The following OAF variants were observed in gnomAD, a reference collection of about 807,000 sequenced individuals.
OAF encodes the protein out at first homolog.
A neutral mutation model predicts 22.5 loss-of-function variants in OAF; 13 were observed. The observed-to-expected ratio is 0.58, with a 90% CI of 0.38 to 0.92. The LOEUF is 0.92. Among genes scored for constraint, OAF ranks in the 40% least tolerant of loss-of-function variants. OAF has a pLI of 0.00. For synonymous variants in OAF, 175 were observed against 170.5 expected (o/e 1.03, Z -0.21); for missense variants, 347 against 381.8 (o/e 0.91, Z 0.76).
At chr11:120,226,067 G>C (rs1938353817) in intron 2 of OAF, among the ~76,000 whole-genome samples, 1 of 152,104 alleles carries the variant, frequency 6.6e-6, no homozygotes, top group South Asian at 2.1e-4. Flanking sequence ...GGCCAAACCT[G>C]ACCCTAGAGC....
intron 1 of OAF, among the ~76,000 whole-genome samples, chr11:120,224,162 CCCTTTCTGGAAAA>C (rs1468413385): frequency 6.6e-6 from 1 of 152,212 alleles, no homozygotes; most frequent in Non-Finnish European, 1.5e-5. Context: ...GCCTCAGTTT[CCCTTTCTGGAAAA>C]CCTCCCCCTA....
chr11:120,217,490 A>T (rs1297122611), intron 1 of OAF: 1 of 152,254 alleles, frequency 6.6e-6, no homozygotes, highest in African/African-American at 2.4e-5. Context: ...GAGGCGGGAG[A>T]ATCACTTGAA....
chr11:120,225,806 C>A lies in OAF; in HGVS notation c.366+11C>A. The A allele has an allele frequency of 6.3e-7, 1 of 1,593,946 alleles. No homozygotes were observed. The highest frequency in any genetic ancestry group is 1.1e-5 in the South Asian group (1 of 89,078). On this transcript the variant is annotated intron_variant, in intron 2 of 3. Coordinates refer to ENST00000328965, the MANE Select transcript of OAF (RefSeq NM_178507.4). ...GCCAAGCTCCGGCAGGTAAGTGCCCCACCAGGCCTGCCTGGCCCAGGTCCT... is the reference window on the plus strand; with the variant it reads ...GCCAAGCTCCGGCAGGTAAGTGCCCAACCAGGCCTGCCTGGCCCAGGTCCT...
At chr11:120,225,872 C>T (rs1043468665) in intron 2 of OAF, 77 bp downstream of exon 2, 32 of 1,371,242 alleles carry the variant, frequency 2.3e-5, no homozygotes, top group South Asian at 6.3e-5. Flanking sequence ...CCCGCAGACC[C>T]GGCCCAGATC....
chr11:120,228,171 G>A (rs1346204753), intron 3 of OAF, among the ~76,000 whole-genome samples: 3 of 151,350 alleles, frequency 2.0e-5, no homozygotes, highest in Admixed American at 6.6e-5. Context: ...TGCAACCTCC[G>A]CCACCCGGGT....
At position 120,226,799 on chromosome 11, in the gene OAF, T is replaced by A; in HGVS notation, c.367-17T>A. On this transcript the variant is annotated splice_polypyrimidine_tract_variant and intron_variant, in intron 2 of 3. Transcript: ENST00000328965. Reference sequence around the variant, plus strand: ...CATTCTGAAGCCAGGTAGGAGTGACTTCTCTCCCACACACAGAAAAATCCC... The same window carrying A: ...CATTCTGAAGCCAGGTAGGAGTGACATCTCTCCCACACACAGAAAAATCCC... 1.3e-6 allele frequency: 2 copies of A among 1,572,580 alleles called. No homozygotes were observed. Among genetic ancestry groups the A allele is most frequent in the Non-Finnish European group, 1.7e-6 (2 of 1,151,368 alleles).
At chr11:120,227,527 A>T (rs1362751917) in intron 3 of OAF, among the ~76,000 whole-genome samples, 1 of 151,958 alleles carries the variant, frequency 6.6e-6, no homozygotes, top group Non-Finnish European at 1.5e-5. Context: ...GCCCCCCTCC[A>T]CTGACACCTC....
chr11:120,227,131 C>CT, intron 3 of OAF, 135 bp downstream of exon 3: 1 of 603,396 alleles, frequency 1.7e-6, no homozygotes, highest in Non-Finnish European at 2.8e-6. Flanking sequence ...TTAGCCTTTC[C>CT]TTTGTTCAGG....
At chr11:120,216,494 A>G (rs1938214269) in intron 1 of OAF, among the ~76,000 whole-genome samples, 1 of 152,152 alleles carries the variant, frequency 6.6e-6, no homozygotes, top group Admixed American at 6.5e-5. Flanking sequence ...AGGTATTTAC[A>G]AGAAGTCGCC....
At chr11:120,223,354 C>T (rs532497235) in intron 1 of OAF, among the ~76,000 whole-genome samples, 7 of 152,268 alleles carry the variant, frequency 4.6e-5, no homozygotes, top group African/African-American at 1.2e-4. Flanking sequence ...AATCCAAGCT[C>T]GGTAACAATC....
Position 120,211,353 on chromosome 11 carries a change from G to A in OAF, c.74G>A (p.Gly25Glu). The A allele has an allele frequency of 6.9e-7, 1 of 1,442,406 alleles. No individual in the cohort carries two copies. The highest frequency in any genetic ancestry group is 9.2e-7 in the Non-Finnish European group (1 of 1,090,306). The allele number at this position is 1,442,406 out of a possible 1,614,324, so 89.4% of individuals were successfully genotyped here. The change falls in exon 1 of 4, where the codon GGA (glycine) becomes GAA (glutamate). Residue 25 changes from glycine (G) to glutamate (E), a missense_variant. Gly to Glu is a moderately conservative substitution (Grantham distance 98, BLOSUM62 -2). Transcript: ENST00000328965. ...LLLPLLAPLLGTGAPAELRVR... is the reference protein window; with the variant it reads ...LLLPLLAPLLETGAPAELRVR... ...CTGCCGCTGCTCGCGCCGCTGCTGG[G>A]AACGGGTGCGCCGGCCGAGCTGCGG... is the stretch of plus-strand genomic sequence containing the variant.
chr11:120,221,706 C>T (rs1938281504), intron 1 of OAF, among the ~76,000 whole-genome samples: 1 of 152,206 alleles, frequency 6.6e-6, no homozygotes, highest in Non-Finnish European at 1.5e-5. Context: ...AGCCTACCTA[C>T]TCCTTACTTA....
Position 120,229,136 on chromosome 11 carries a change from A to C in OAF, c.816A>C (p.Pro272=), listed in dbSNP as rs555324500. The change falls in exon 4 of 4, where the codon CCA becomes CCC. Residue 272 remains proline (P), a synonymous_variant. Transcript: ENST00000328965. ...QLCLWDEDPY[P]G The stretch of plus-strand genomic sequence containing the variant: ...GTCTCTGGGATGAGGATCCCTACCC[A>C]GGCTAGGGTGGGAGCAACCTGGCGG... 4 of 1,609,666 alleles carry C rather than the reference A, an allele frequency of 2.5e-6. No individual in the cohort carries two copies. In the South Asian group the frequency reaches 3.3e-5, roughly 13 times the overall value.
intron 1 of OAF, among the ~76,000 whole-genome samples, chr11:120,222,977 G>A (rs1012739517): frequency 7.9e-5 from 12 of 152,192 alleles, no homozygotes; most frequent in Non-Finnish European, 1.3e-4. Flanking sequence ...GGTTAGAAGG[G>A]TATTCCTGCC....
At chr11:120,222,737 C>A (rs1467010229) in intron 1 of OAF, among the ~76,000 whole-genome samples, 3 of 151,982 alleles carry the variant, frequency 2.0e-5, no homozygotes, top group Non-Finnish European at 2.9e-5. Flanking sequence ...CATGGAGAAA[C>A]CCTGTCTCTA....
rs373773867 is a variant in OAF, at chr11:120,221,731, G to A, written c.232-3930G>A. Among the ~76,000 whole-genome samples the A allele has an allele frequency of 1.7e-3, 264 of 152,240 alleles. 1 individual carries two copies. The highest frequency in any genetic ancestry group is 0.017 in the Middle Eastern group (5 of 294). The stretch of plus-strand genomic sequence containing the variant: ...CTCCTTACTTAAAACTACAGACGAG[G>A]ACCCTAGCAAACACTATTTCCCCAG... On this transcript the variant is annotated intron_variant, in intron 1 of 3. Transcript: ENST00000328965.
rs534414988 is a variant in OAF, at chr11:120,227,993, T to C, written c.548-875T>C. On this transcript the variant is annotated intron_variant, in intron 3 of 3. Transcript: ENST00000328965. ...CTCCAGCGCCCCAATATGCACACTT[T>C]CCCATTTGATCCAAGCCCTGGCCAC... 2.5e-3 allele frequency among the ~76,000 whole-genome samples: 377 copies of C among 151,886 alleles called. 3 individuals carry two copies. Among genetic ancestry groups the C allele is most frequent in the African/African-American group, 8.2e-3 (338 of 41,432 alleles).
chr11:120,222,297 C>T (rs1245662789), intron 1 of OAF, among the ~76,000 whole-genome samples: 1 of 152,228 alleles, frequency 6.6e-6, no homozygotes, highest in African/African-American at 2.4e-5. Context: ...GTGGCTCACA[C>T]CTGTAATCCC....
chr11:120,229,108 T>G lies in OAF; in HGVS notation c.788T>G (p.Leu263Arg), dbSNP rs143774863. The G allele has an allele frequency of 5.5e-5, 88 of 1,613,370 alleles. 1 individual carries two copies. The African/African-American group carries it at 9.1e-4, about 17-fold the overall frequency. ...GACTTCTACGTGCCCCAGAGGCAGC[T>G]GTGTCTCTGGGATGAGGATCCCTAC... ...SFDFYVPQRQLCLWDEDPYPG is the reference protein window; with the variant it reads ...SFDFYVPQRQRCLWDEDPYPG The change falls in exon 4 of 4, where the codon CTG (leucine) becomes CGG (arginine). Residue 263 changes from leucine to arginine, a missense_variant. By Grantham distance (102) the Leu-to-Arg change is moderately radical. Transcript: ENST00000328965.
Sources: allele counts gnomAD v4.1 joint callset (sites outside exome capture counted in the v4.1 genomes callset), GRCh38; gene constraint gnomAD v4.1.1; transcripts MANE v1.5; gene names NCBI Gene and HGNC (gene_info 2026-07-23, HGNC 2026-07-21).